L3MBTL3: variants seen among roughly 807,000 people sequenced by gnomAD.
The protein encoded by L3MBTL3 is lethal(3)malignant brain tumor-like protein 3.
Under a neutral mutation model 102.3 loss-of-function variants are expected in L3MBTL3, and 27 were observed. The observed-to-expected ratio is 0.26, with a 90% CI of 0.19 to 0.36. The LOEUF (loss-of-function observed/expected upper bound fraction) is 0.36, where lower values mean the gene tolerates loss of function less well. Among genes scored for constraint, L3MBTL3 ranks in the 10% least tolerant of loss-of-function variants. The pLI, the probability that L3MBTL3 is intolerant of heterozygous loss-of-function variation, is 1.00. For missense variants in L3MBTL3, 798 were observed against 955.3 expected (o/e 0.84, Z 2.17); for synonymous variants, 340 against 320.9 (o/e 1.06, Z -0.64).
At position 130,141,207 on chromosome 6, in the gene L3MBTL3, G is replaced by A. The variant is rs1410100979; in HGVS notation, c.*1454G>A. On this transcript the variant is annotated 3_prime_UTR_variant, in exon 23 of 23. Coordinates refer to ENST00000361794, the MANE Select transcript of L3MBTL3 (RefSeq NM_032438.4). ...TTTAGTTGCTTTCGTTTTTTATGAT[G>A]TAGGACTTCCTTTGATATCCCTGTT... is the stretch of plus-strand genomic sequence containing the variant. 1.3e-5 allele frequency: 2 copies of A among 152,190 alleles called. No homozygotes were observed. The highest frequency in any genetic ancestry group is 2.4e-5 in the African/African-American group (1 of 41,458). The allele number at this position is 152,190 out of a possible 1,614,324, so 9.4% of individuals were successfully genotyped here.
At chr6:130,073,980 T>C (rs1465655358) in intron 13 of L3MBTL3, among the ~76,000 whole-genome samples, 1 of 152,196 alleles carries the variant, frequency 6.6e-6, no homozygotes, top group African/African-American at 2.4e-5. Flanking sequence ...TAAGATGCAA[T>C]GGAAATTGTT....
At chr6:130,046,208 A>G (rs1220566735) in intron 3 of L3MBTL3, among the ~76,000 whole-genome samples, 2 of 152,158 alleles carry the variant, frequency 1.3e-5, no homozygotes, top group Non-Finnish European at 2.9e-5. Context: ...CATCTTATCT[A>G]GTAAGAATAA....
intron 9 of L3MBTL3, among the ~76,000 whole-genome samples, chr6:130,058,060 G>A (rs1051128260): frequency 5.4e-5 from 8 of 149,242 alleles, no homozygotes; most frequent in African/African-American, 1.2e-4. Flanking sequence ...GGAGAATGGC[G>A]TGAACCCAGG....
chr6:130,048,572 A>G lies in L3MBTL3; in HGVS notation c.103-710A>G, dbSNP rs554465648. 3.3e-5 allele frequency among the ~76,000 whole-genome samples: 5 copies of G among 152,328 alleles called. No individual in the cohort carries two copies. In the East Asian group the frequency reaches 9.6e-4, roughly 29 times the overall value. ...GGAATGGAATGTCCATGAAATCAAGATGCTGTTGCTTTTTAGTGATAAAAT... is the reference window on the plus strand; with the variant it reads ...GGAATGGAATGTCCATGAAATCAAGGTGCTGTTGCTTTTTAGTGATAAAAT... On this transcript the variant is annotated intron_variant, in intron 3 of 22. Coordinates refer to ENST00000361794, the MANE Select transcript of L3MBTL3 (RefSeq NM_032438.4).
intron 14 of L3MBTL3, among the ~76,000 whole-genome samples, chr6:130,079,523 A>T (rs945789183): frequency 3.3e-5 from 5 of 152,204 alleles, no homozygotes; most frequent in Admixed American, 3.3e-4. Flanking sequence ...TCAAGGGGCC[A>T]TGACCACTCC....
At chr6:130,057,260 G>A (rs1781567573) in intron 8 of L3MBTL3, 146 bp from the exon 9 acceptor site, 10 of 697,712 alleles carry the variant, frequency 1.4e-5, no homozygotes, top group South Asian at 4.8e-5. Context: ...TTGGGAAGAC[G>A]AGCCAGGAAG....
chr6:130,121,823 A>C (rs1461587013), intron 20 of L3MBTL3, among the ~76,000 whole-genome samples: 1 of 152,204 alleles, frequency 6.6e-6, no homozygotes, highest in African/African-American at 2.4e-5. Context: ...AGGCAGGCAG[A>C]TCACCTGAGG....
intron 2 of L3MBTL3, among the ~76,000 whole-genome samples, chr6:130,037,391 C>T (rs1011449259): frequency 1.1e-4 from 16 of 151,584 alleles, no homozygotes; most frequent in Non-Finnish European, 2.1e-4. Context: ...GTTTATCCAC[C>T]AGGGGGAAGA....
chr6:130,105,680 A>G (rs1784943576), intron 19 of L3MBTL3, among the ~76,000 whole-genome samples: 1 of 152,128 alleles, frequency 6.6e-6, no homozygotes, highest in African/African-American at 2.4e-5. Flanking sequence ...TCATGTAGAC[A>G]TGATTATAGA....
intron 16 of L3MBTL3, among the ~76,000 whole-genome samples, chr6:130,089,395 C>T (rs960704683): frequency 1.3e-5 from 2 of 152,138 alleles, no homozygotes; most frequent in Non-Finnish European, 2.9e-5. Context: ...AAGACATGAA[C>T]TCATCCTTTT....
intron 3 of L3MBTL3, among the ~76,000 whole-genome samples, chr6:130,047,430 G>A (rs1158591192): frequency 1.3e-5 from 2 of 152,192 alleles, no homozygotes; most frequent in Non-Finnish European, 2.9e-5. Flanking sequence ...ATAGTTCTGA[G>A]TTCTGACTTG....
At chr6:130,132,812 A>G (rs1401066801) in intron 20 of L3MBTL3, among the ~76,000 whole-genome samples, 1 of 152,010 alleles carries the variant, frequency 6.6e-6, no homozygotes, top group African/African-American at 2.4e-5. Context: ...CTTGTTGCCC[A>G]GGCTACAGTA....
intron 3 of L3MBTL3, among the ~76,000 whole-genome samples, chr6:130,044,516 A>G (rs1469004130): frequency 6.6e-6 from 1 of 152,154 alleles, no homozygotes; most frequent in Non-Finnish European, 1.5e-5. Context: ...TTTCTAAGCA[A>G]TGAGTTTTAG....
chr6:130,030,435 G>A (rs1269834092), intron 2 of L3MBTL3, among the ~76,000 whole-genome samples: 4 of 151,846 alleles, frequency 2.6e-5, no homozygotes, highest in African/African-American at 9.7e-5. Flanking sequence ...GGCTGAGGTG[G>A]GCAGATCATG....
chr6:130,083,319 A>G (rs1163540600), intron 14 of L3MBTL3, among the ~76,000 whole-genome samples: 1 of 152,096 alleles, frequency 6.6e-6, no homozygotes, highest in Admixed American at 6.6e-5. Flanking sequence ...AGATTTTTCT[A>G]GATTCTCCAA....
At chr6:130,060,860 A>G (rs1051177497) in intron 10 of L3MBTL3, among the ~76,000 whole-genome samples, 4 of 152,004 alleles carry the variant, frequency 2.6e-5, no homozygotes, top group African/African-American at 7.2e-5. Flanking sequence ...CCAGAGGTAT[A>G]TCTATTTTAA....
intron 17 of L3MBTL3, 84 bp downstream of exon 17, chr6:130,092,943 C>T: frequency 2.6e-6 from 2 of 779,426 alleles, no homozygotes; most frequent in Non-Finnish European, 4.4e-6. Flanking sequence ...CTTTCTTTTT[C>T]TCCTCCTCTC....
chr6:130,066,738 A>G (rs766163889), intron 11 of L3MBTL3, among the ~76,000 whole-genome samples: 10 of 152,220 alleles, frequency 6.6e-5, no homozygotes, highest in African/African-American at 1.7e-4. Context: ...AACTTTGACT[A>G]CAAATAATGT....
intron 18 of L3MBTL3, among the ~76,000 whole-genome samples, chr6:130,101,450 C>T (rs940878610): frequency 1.3e-5 from 2 of 152,162 alleles, no homozygotes; most frequent in Non-Finnish European, 2.9e-5. Context: ...CACAAGGGAC[C>T]GAGGCTTCCC....
Sources: gnomAD v4.1 joint callset for allele counts (sites outside exome capture counted in the v4.1 genomes callset) on GRCh38, gnomAD v4.1.1 for gene constraint, MANE v1.5 for transcripts, NCBI Gene and HGNC (gene_info 2026-07-23, HGNC 2026-07-21) for gene names.